SAMTOR: variants seen among roughly 807,000 people sequenced by gnomAD.
SAMTOR encodes UPF0532 protein C7orf60.
the SAMTOR span, among the ~76,000 whole-genome samples, chr7:112,850,894 C>T: frequency 6.6e-6 from 1 of 152,278 alleles, no homozygotes; most frequent in Admixed American, 6.5e-5. Context: ...TCAAAATCAA[C>T]ATACAAAAGT....
the SAMTOR span, among the ~76,000 whole-genome samples, chr7:112,851,549 T>C: frequency 3.9e-5 from 6 of 152,084 alleles, no homozygotes; most frequent in Non-Finnish European, 8.8e-5. Flanking sequence ...TAACTGAAGA[T>C]TGATTAAAGA....
At chr7:112,850,414 C>A in the SAMTOR span, among the ~76,000 whole-genome samples, 4 of 152,116 alleles carry the variant, frequency 2.6e-5, no homozygotes, top group Middle Eastern at 6.3e-3. Context: ...ATTGGCTTCA[C>A]AGAAATTAGT....
At chr7:112,935,058 G>T in the SAMTOR span, 1 of 249,728 alleles carries the variant, frequency 4.0e-6, no homozygotes, top group South Asian at 4.3e-5. Context: ...AAACTTAACA[G>T]GACCTTCTGT....
At chr7:112,839,979 G>A in the SAMTOR span, among the ~76,000 whole-genome samples, 3 of 151,702 alleles carry the variant, frequency 2.0e-5, no homozygotes, top group Non-Finnish European at 4.4e-5. Flanking sequence ...GACAATCTAT[G>A]TTTTAATTGG....
the SAMTOR span, among the ~76,000 whole-genome samples, chr7:112,835,645 C>T: frequency 1.3e-5 from 2 of 151,944 alleles, no homozygotes; most frequent in East Asian, 1.9e-4. Flanking sequence ...CTGTCTCCAC[C>T]CTTAAGTAAT....
At chr7:112,885,530 C>G in the SAMTOR span, among the ~76,000 whole-genome samples, 1 of 152,132 alleles carries the variant, frequency 6.6e-6, no homozygotes, top group African/African-American at 2.4e-5. Flanking sequence ...TGCTGCCAGT[C>G]TCTTTGCATA....
the SAMTOR span, among the ~76,000 whole-genome samples, chr7:112,864,254 G>T: frequency 2.0e-5 from 3 of 152,118 alleles, no homozygotes; most frequent in Non-Finnish European, 2.9e-5. Context: ...TGGGAAAATG[G>T]AGAGGATCAA....
chr7:112,828,016 C>T, the SAMTOR span, among the ~76,000 whole-genome samples: 7 of 152,168 alleles, frequency 4.6e-5, no homozygotes, highest in South Asian at 4.2e-4. Context: ...CATGCCCTGC[C>T]GCAAATATTT....
chr7:112,870,343 C>G, the SAMTOR span, among the ~76,000 whole-genome samples: 2 of 152,126 alleles, frequency 1.3e-5, no homozygotes, highest in Middle Eastern at 3.2e-3. Flanking sequence ...GAGGAGAAAT[C>G]TTACAAGCCA....
At chr7:112,854,898 A>G in the SAMTOR span, among the ~76,000 whole-genome samples, 1 of 152,206 alleles carries the variant, frequency 6.6e-6, no homozygotes, top group Admixed American at 6.5e-5. Flanking sequence ...TAAAGAATTA[A>G]GTAAAAAGAT....
At chr7:112,862,686 T>C in the SAMTOR span, among the ~76,000 whole-genome samples, 170 of 152,284 alleles carry the variant, frequency 1.1e-3, no homozygotes, top group Middle Eastern at 6.8e-3. Flanking sequence ...CTCAGCACTT[T>C]GGGAGGCCAA....
At chr7:112,822,566 CA>C in the SAMTOR span, among the ~76,000 whole-genome samples, 1 of 151,940 alleles carries the variant, frequency 6.6e-6, no homozygotes, top group Non-Finnish European at 1.5e-5. Flanking sequence ...TAATTAAGTC[CA>C]AAGACCTGCT....
chr7:112,890,132 T>G, the SAMTOR span, among the ~76,000 whole-genome samples: 1 of 151,966 alleles, frequency 6.6e-6, no homozygotes, highest in Non-Finnish European at 1.5e-5. Flanking sequence ...GGAGGCTATG[T>G]GAATATGCAG....
At chr7:112,846,351 T>C in the SAMTOR span, among the ~76,000 whole-genome samples, 1 of 151,872 alleles carries the variant, frequency 6.6e-6, no homozygotes, top group African/African-American at 2.4e-5. Context: ...CAACAGACAC[T>C]GGGGCCTACT....
the SAMTOR span, among the ~76,000 whole-genome samples, chr7:112,836,618 T>A: frequency 6.6e-6 from 1 of 152,114 alleles, no homozygotes; most frequent in African/African-American, 2.4e-5. Flanking sequence ...TAAGTCTTTT[T>A]AACTGATCTT....
chr7:112,844,318 T>C, the SAMTOR span, among the ~76,000 whole-genome samples: 1 of 151,962 alleles, frequency 6.6e-6, no homozygotes, highest in African/African-American at 2.4e-5. Context: ...CCAAATATAA[T>C]AGAAAGGAAG....
At chr7:112,838,224 G>C in the SAMTOR span, among the ~76,000 whole-genome samples, 1 of 151,872 alleles carries the variant, frequency 6.6e-6, no homozygotes, top group Non-Finnish European at 1.5e-5. Flanking sequence ...AAGTAAGTAA[G>C]TTTTAGTAAG....
chr7:112,831,895 C>A, the SAMTOR span, among the ~76,000 whole-genome samples: 5 of 152,012 alleles, frequency 3.3e-5, no homozygotes, highest in African/African-American at 1.2e-4. Flanking sequence ...CATAATGGCT[C>A]TACAACACTG....
the SAMTOR span, among the ~76,000 whole-genome samples, chr7:112,913,944 C>G: frequency 1.3e-5 from 2 of 152,170 alleles, no homozygotes; most frequent in African/African-American, 4.8e-5. Flanking sequence ...CATATTGTTT[C>G]CGGCCACTCA....
Sources: allele counts gnomAD v4.1 joint callset (sites outside exome capture counted in the v4.1 genomes callset), GRCh38; gene constraint gnomAD v4.1.1; transcripts MANE v1.5; gene names NCBI Gene and HGNC (gene_info 2026-07-23, HGNC 2026-07-21).